PRKN: variants seen among roughly 807,000 people sequenced by gnomAD.
PRKN encodes parkin RBR E3 ubiquitin protein ligase.
PRKN carries 56 observed loss-of-function variants against 59.5 expected under a neutral mutation model. That is an observed-to-expected ratio of 0.94 (90% CI 0.76 to 1.18). PRKN has a LOEUF of 1.18. Ranked by LOEUF, PRKN falls within the 50% of genes most tolerant of loss-of-function variation. The pLI is 0.00. For synonymous variants in PRKN, 250 were observed against 222.1 expected, an observed-to-expected ratio of 1.13 and a Z score of -1.12; for missense variants, 657 against 596.4, an observed-to-expected ratio of 1.10 and a Z score of -1.06.
intron 2 of PRKN, among the ~76,000 whole-genome samples, chr6:162,441,300 A>AG (rs1236456251): frequency 2.0e-5 from 3 of 152,170 alleles, no homozygotes; most frequent in Non-Finnish European, 4.4e-5. Context: ...TATGTGAAAT[A>AG]TAGCCCATAT....
chr6:162,225,300 C>T (rs1386903088), intron 3 of PRKN, among the ~76,000 whole-genome samples: 1 of 152,140 alleles, frequency 6.6e-6, no homozygotes, highest in Non-Finnish European at 1.5e-5. Flanking sequence ...CAAGCACCTC[C>T]CGAAGTTCCC....
chr6:161,891,499 C>T (rs1389846883), intron 6 of PRKN, among the ~76,000 whole-genome samples: 1 of 152,112 alleles, frequency 6.6e-6, no homozygotes, highest in Admixed American at 6.5e-5. Flanking sequence ...TCTCCTGGGT[C>T]CCTAAACATG....
At chr6:161,743,589 C>A (rs1206832185) in intron 7 of PRKN, among the ~76,000 whole-genome samples, 1 of 151,832 alleles carries the variant, frequency 6.6e-6, no homozygotes, top group Non-Finnish European at 1.5e-5. Flanking sequence ...CACCCTCCAA[C>A]CCAACATATA....
intron 4 of PRKN, among the ~76,000 whole-genome samples, chr6:162,059,811 C>G (rs1055157846): frequency 6.6e-6 from 1 of 152,100 alleles, no homozygotes; most frequent in Non-Finnish European, 1.5e-5. Flanking sequence ...GCAACACTAG[C>G]AGGGTGAGGA....
In PRKN at chr6:161,391,580, C is replaced by T. The variant is rs559873938; in HGVS notation, c.1084-4703G>A. ...ATGGACTGTATTATAGTCCCTGTGA[C>T]GAGAGTTTATGTATTAACTTGGCTA... is the stretch of plus-strand genomic sequence containing the variant. On this transcript the variant is annotated intron_variant, in intron 9 of 11. Transcript: ENST00000366898. This position sits in a 1 kb window ranked among gnomAD's most constrained non-coding sequence, Gnocchi z 4.9. Among the ~76,000 whole-genome samples, 28 of 151,998 alleles carry T rather than the reference C, an allele frequency of 1.8e-4. No homozygotes were observed. In the East Asian group the frequency reaches 5.0e-3, roughly 27 times the overall value.
At position 161,545,180 on chromosome 6, in the gene PRKN, G is replaced by GT. The variant is rs1232482804; in HGVS notation, c.1083+3673dup. Reference sequence around the variant, plus strand: ...CTAACATTTCTTGCATACCCACATGGTAAGAGTTGTACTTTTTCTATCTTG... The same window carrying GT: ...CTAACATTTCTTGCATACCCACATGGTTAAGAGTTGTACTTTTTCTATCTTG... On this transcript the variant is annotated intron_variant, in intron 9 of 11. Transcript: ENST00000366898. This position sits in a 1 kb window ranked among gnomAD's most constrained non-coding sequence, Gnocchi z 4.1. 1.5e-6 allele frequency: 2 copies of GT among 1,348,036 alleles called. No individual in the cohort carries two copies. Among genetic ancestry groups the GT allele is most frequent in the Admixed American group, 6.8e-5 (2 of 29,246 alleles). The allele number at this position is 1,348,036 out of a possible 1,614,324, so 83.5% of individuals were successfully genotyped here.
chr6:162,496,245 A>T (rs1165422171), intron 1 of PRKN, among the ~76,000 whole-genome samples: 1 of 152,166 alleles, frequency 6.6e-6, no homozygotes, highest in Admixed American at 6.5e-5. Context: ...TCGGGGGAAA[A>T]AAAAGAAAGA....
intron 10 of PRKN, among the ~76,000 whole-genome samples, chr6:161,367,039 G>A (rs7742845): frequency 0.07 from 9,105 of 129,288 alleles, 1,119 homozygotes; most frequent in African/African-American, 0.26. Context: ...CGCCCAGGCT[G>A]GACTGCAGTG....
chr6:161,684,701 G>C (rs1286863373), intron 7 of PRKN, among the ~76,000 whole-genome samples: 1 of 150,592 alleles, frequency 6.6e-6, no homozygotes, highest in African/African-American at 2.4e-5. Flanking sequence ...TTTAAAATGA[G>C]ATAATTTAAC....
intron 3 of PRKN, among the ~76,000 whole-genome samples, chr6:162,216,559 A>C (rs1286344494): frequency 1.3e-5 from 2 of 151,028 alleles, no homozygotes; most frequent in South Asian, 2.1e-4. Flanking sequence ...AAAAAAAAAA[A>C]AAAAACCCAG....
At chr6:162,113,635 C>G (rs1780538661) in intron 4 of PRKN, among the ~76,000 whole-genome samples, 1 of 152,196 alleles carries the variant, frequency 6.6e-6, no homozygotes, top group African/African-American at 2.4e-5. Context: ...CAAATACTTA[C>G]TCCTTTTGCT....
chr6:162,461,281 C>A (rs980762176), intron 1 of PRKN, among the ~76,000 whole-genome samples: 2 of 151,346 alleles, frequency 1.3e-5, no homozygotes, highest in African/African-American at 4.9e-5. Flanking sequence ...GCGGGAGGAT[C>A]ACTTGAGGTC....
chr6:162,170,747 C>T (rs954785725), intron 4 of PRKN, among the ~76,000 whole-genome samples: 4 of 152,134 alleles, frequency 2.6e-5, no homozygotes, highest in Non-Finnish European at 5.9e-5. Flanking sequence ...CTGTGCTTAT[C>T]ACATGCCTTT....
intron 1 of PRKN, among the ~76,000 whole-genome samples, chr6:162,680,620 A>T (rs1779735795): frequency 6.6e-6 from 1 of 152,144 alleles, no homozygotes; most frequent in Non-Finnish European, 1.5e-5. Flanking sequence ...AACTCACTTA[A>T]TGCAAAAGAT....
At chr6:162,070,496 C>T (rs537221708) in intron 4 of PRKN, among the ~76,000 whole-genome samples, 1 of 152,018 alleles carries the variant, frequency 6.6e-6, no homozygotes, top group African/African-American at 2.4e-5. Flanking sequence ...TTTGCATGGC[C>T]GAGTGGATGC....
chr6:161,874,178 ATT>A (rs1794509264), intron 6 of PRKN, among the ~76,000 whole-genome samples: 1 of 57,278 alleles, frequency 1.7e-5, no homozygotes, highest in Non-Finnish European at 2.8e-5. Context: ...TATAATATAT[ATT>A]ATATATAATA....
Position 161,547,252 on chromosome 6 carries a change from G to GAAACCTTGAGAACCA in PRKN, c.1083+1601_1083+1602insTGGTTCTCAAGGTTT, listed in dbSNP as rs1779828635. Among the ~76,000 whole-genome samples the GAAACCTTGAGAACCA allele has an allele frequency of 6.6e-6, 1 of 152,158 alleles. No individual in the cohort carries two copies. The highest frequency in any genetic ancestry group is 1.5e-5 in the Non-Finnish European group (1 of 68,028). On this transcript the variant is annotated intron_variant, in intron 9 of 11. Coordinates refer to ENST00000366898, the MANE Select transcript of PRKN (RefSeq NM_004562.3). The surrounding 1 kb of genome is among the most constrained non-coding windows in gnomAD (Gnocchi z 4.0). ...CTACCTACAATTGCCAAAGGACAAA[G>GAAACCTTGAGAACCA]AAACCTTGAGAACATAACTATCCTC...
At chr6:162,167,451 T>C (rs896025488) in intron 4 of PRKN, among the ~76,000 whole-genome samples, 3 of 152,156 alleles carry the variant, frequency 2.0e-5, no homozygotes, top group African/African-American at 7.2e-5. Context: ...TTGTTTTTAT[T>C]ATTGCCTGGC....
chr6:162,552,293 A>G (rs1005995113), intron 1 of PRKN, among the ~76,000 whole-genome samples: 1 of 152,108 alleles, frequency 6.6e-6, no homozygotes, highest in African/African-American at 2.4e-5. Flanking sequence ...GGGGGAAAAA[A>G]CGGGGTTTTA....
Sources: allele counts gnomAD v4.1 joint callset (sites outside exome capture counted in the v4.1 genomes callset), GRCh38; gene constraint gnomAD v4.1.1; non-coding constraint Gnocchi (gnomAD v3.1); transcripts MANE v1.5; gene names NCBI Gene and HGNC (gene_info 2026-07-23, HGNC 2026-07-21).